RIOK2: variants seen among roughly 807,000 people sequenced by gnomAD.
RIOK2 encodes serine/threonine-protein kinase RIO2.
In RIOK2, 46 loss-of-function variants were observed where a neutral mutation model predicts 62.4. The ratio of observed to expected loss-of-function variants is 0.74; its 90% CI spans 0.58 to 0.94. RIOK2 has a LOEUF of 0.94. Ranked by LOEUF, RIOK2 falls within the 40% of genes least tolerant of loss-of-function variation. The pLI is 0.00. For synonymous variants in RIOK2, 197 were observed against 216.0 expected, an observed-to-expected ratio of 0.91 and a Z score of 0.77; for missense variants, 574 against 658.0, an observed-to-expected ratio of 0.87 and a Z score of 1.40.
rs1748808935 is a variant in RIOK2 at position 97,165,075 on chromosome 5, A to T, written c.1470T>A (p.Ala490=). The change falls in exon 9 of 10, where the codon GCT becomes GCA. Residue 490 remains alanine, a synonymous_variant. Coordinates refer to ENST00000283109, the MANE Select transcript of RIOK2 (RefSeq NM_018343.3). ...CTGGAGGAATTGTTGAACAGCTTAC[A>T]GCACTGCCTGAAGAAGTGATACTCA... ...RTLSITSSGS[A]VSCSTIPPEL... 2.5e-6 allele frequency: 4 copies of T among 1,594,088 alleles called. No individual in the cohort carries two copies. The highest frequency in any genetic ancestry group is 3.4e-6 in the Non-Finnish European group (4 of 1,170,434).
chr5:97,167,995 GA>G lies in RIOK2; in HGVS notation c.873-5del, dbSNP rs772074903. 16 of 1,561,116 alleles carry G rather than the reference GA, an allele frequency of 1.0e-5. No homozygotes were observed. The highest frequency in any genetic ancestry group is 3.5e-5 in the South Asian group (3 of 84,714). ...CACATCAAGAGTGTCTTCTCTCCTA[GA>G]AAAAAAAGGCGTCAAGCATAGAAAG... On this transcript the variant is annotated splice_polypyrimidine_tract_variant and splice_region_variant and intron_variant, in intron 7 of 9. Coordinates refer to ENST00000283109, the MANE Select transcript of RIOK2 (RefSeq NM_018343.3).
In RIOK2 at chr5:97,163,040, A is replaced by C. The variant is rs1748744360; in HGVS notation, c.*21T>G. 4.4e-6 allele frequency: 7 copies of C among 1,579,678 alleles called. No homozygotes were observed. The East Asian group carries it at 1.6e-4, about 36-fold the overall frequency. ...AGTAACTTTAAAAAATATATTAAAC[A>C]TATCCAAGATCCTAAATATATTATT... On this transcript the variant is annotated 3_prime_UTR_variant, in exon 10 of 10. Transcript: ENST00000283109.
At chr5:97,175,136 G>A (rs1046066871) in intron 4 of RIOK2, among the ~76,000 whole-genome samples, 6 of 152,020 alleles carry the variant, frequency 3.9e-5, no homozygotes, top group Admixed American at 6.5e-5. Flanking sequence ...GACACAGATC[G>A]TACTGGTTAT....
chr5:97,170,422 A>G (rs974695024), intron 6 of RIOK2, among the ~76,000 whole-genome samples: 1 of 152,224 alleles, frequency 6.6e-6, no homozygotes, highest in Non-Finnish European at 1.5e-5. Flanking sequence ...CACTGGTTTG[A>G]CAACTGAGTC....
At position 97,161,301 on chromosome 5, in the gene RIOK2, T is replaced by G. The variant is rs993482578; in HGVS notation, c.*1760A>C. 3.3e-5 allele frequency: 5 copies of G among 152,210 alleles called. No homozygotes were observed. Among genetic ancestry groups the G allele is most frequent in the Admixed American group, 3.3e-4 (5 of 15,280 alleles). 9.4% of individuals were successfully genotyped at this position (152,210 alleles called of 1,614,324 possible). On this transcript the variant is annotated 3_prime_UTR_variant, in exon 10 of 10. Transcript: ENST00000283109. ...AATATACAGCTTTACATTAGTAAAA[T>G]TTTGAATTTGTTTTTGTTCATTGTT...
rs1200189819 is a variant in RIOK2, at chr5:97,171,387, G to T, written c.598C>A (p.His200Asn). 1 of 1,526,610 alleles carries T rather than the reference G, an allele frequency of 6.6e-7. No homozygotes were observed. Among genetic ancestry groups the T allele is most frequent in the South Asian group, 1.3e-5 (1 of 77,314 alleles). The allele number at this position is 1,526,610 out of a possible 1,614,324, so 94.6% of individuals were successfully genotyped here. A position where few individuals can be genotyped will look rare whatever the true frequency, so the allele number is the denominator to read the frequency against. The change falls in exon 6 of 10, where the codon CAC becomes AAC. Residue 200 changes from histidine to asparagine, a missense_variant. Coordinates refer to ENST00000283109, the MANE Select transcript of RIOK2 (RefSeq NM_018343.3). ...ACTGATGCAGGATCTTCAACATGGTGTATCTGACATCTGAAAGTATTTTAA... is the reference window on the plus strand; with the variant it reads ...ACTGATGCAGGATCTTCAACATGGTTTATCTGACATCTGAAAGTATTTTAA... The part of the protein sequence containing the change: ...LINGYPLCQI[H>N]HVEDPASVYD...
At position 97,171,295 on chromosome 5, in the gene RIOK2, A is replaced by T; in HGVS notation, c.690T>A (p.Asn230Lys). The T allele has an allele frequency of 6.2e-7, 1 of 1,609,590 alleles. No homozygotes were observed. The highest frequency in any genetic ancestry group is 8.5e-7 in the Non-Finnish European group (1 of 1,178,008). Residue 230 changes from asparagine to lysine, a missense_variant, in exon 6 of 10, where the codon AAT becomes AAA. Transcript: ENST00000283109. The part of the protein sequence containing the change: ...ANHGLIHGDF[N>K]EFNLILDESD... The stretch of plus-strand genomic sequence containing the variant: ...TTTCATCCAAAATGAGATTAAATTC[A>T]TTAAAATCTCCATGAATCAGCCCAT...
intron 5 of RIOK2, 60 bp from the exon 6 acceptor site, chr5:97,171,457 G>C: frequency 3.3e-6 from 4 of 1,207,400 alleles, no homozygotes; most frequent in Non-Finnish European, 4.5e-6. Context: ...TTTAACGAAA[G>C]TATGTATGCA....
At chr5:97,172,387 T>G (rs76333700) in intron 5 of RIOK2, among the ~76,000 whole-genome samples, 2,125 of 152,290 alleles carry the variant, frequency 0.014, 60 homozygotes, top group African/African-American at 0.049. Flanking sequence ...GGAAAAACCT[T>G]GGTGTCACCA....
chr5:97,177,251 T>C lies in RIOK2; in HGVS notation c.363A>G (p.Ala121=), dbSNP rs141170867. The C allele has an allele frequency of 1.5e-4, 250 of 1,612,950 alleles. No individual in the cohort carries two copies. Among genetic ancestry groups the C allele is most frequent in the Non-Finnish European group, 2.1e-4 (245 of 1,179,740 alleles). The change falls in exon 4 of 10, where the codon GCA becomes GCG. Residue 121 remains alanine (A), a synonymous_variant. Coordinates refer to ENST00000283109, the MANE Select transcript of RIOK2 (RefSeq NM_018343.3). ...TTCTTCCTAGTCTGTGAAGCTTTAA[T>C]GCAAATTGTTGTCCTTCTTCATTTG... ...IVANEEGQQF[A]LKLHRLGRTS...
Position 97,162,862 on chromosome 5 carries a change from ATTAC to A in RIOK2, c.*195_*198del. On this transcript the variant is annotated 3_prime_UTR_variant, in exon 10 of 10. Coordinates refer to ENST00000283109, the MANE Select transcript of RIOK2 (RefSeq NM_018343.3). ...AAGTTACGTAACTGTAGTTACCCAA[ATTAC>A]TTTGAAAAAAATGGACTGCTTTGGC... 1 of 504,500 alleles carries A rather than the reference ATTAC, an allele frequency of 2.0e-6. No individual in the cohort carries two copies. Among genetic ancestry groups the A allele is most frequent in the Non-Finnish European group, 3.5e-6 (1 of 289,800 alleles). 31.3% of individuals were successfully genotyped at this position (504,500 alleles called of 1,614,324 possible).
chr5:97,162,452 A>C lies in RIOK2; in HGVS notation c.*609T>G, dbSNP rs1748729606. ...TACTCAGGCCTGCTTACAAGCTGCC[A>C]ACTGTAAAAATTGTGGTAGACTATC... On this transcript the variant is annotated 3_prime_UTR_variant, in exon 10 of 10. Transcript: ENST00000283109. 6.6e-6 allele frequency: 1 copy of C among 152,496 alleles called. No individual in the cohort carries two copies. Among genetic ancestry groups the C allele is most frequent in the African/African-American group, 2.4e-5 (1 of 41,470 alleles). 9.4% of individuals were successfully genotyped at this position (152,496 alleles called of 1,614,324 possible). A position where few individuals can be genotyped will look rare whatever the true frequency, so the allele number is the denominator to read the frequency against.
intron 4 of RIOK2, among the ~76,000 whole-genome samples, chr5:97,175,695 CCACT>C (rs1408173550): frequency 6.6e-6 from 1 of 152,064 alleles, no homozygotes; most frequent in Admixed American, 6.6e-5. Flanking sequence ...AGTATATAAC[CCACT>C]CAAAGAACAA....
chr5:97,175,997 C>G (rs1421228009), intron 4 of RIOK2: 1 of 151,982 alleles, frequency 6.6e-6, no homozygotes, highest in African/African-American at 2.4e-5. Flanking sequence ...AATATGCAGT[C>G]AAGTTCCAAT....
intron 7 of RIOK2, 85 bp downstream of exon 7, chr5:97,168,675 T>A: frequency 1.1e-6 from 1 of 878,102 alleles, no homozygotes; most frequent in Non-Finnish European, 1.7e-6. Context: ...TTGGAAAGTT[T>A]TTTAGATGAA....
intron 6 of RIOK2, among the ~76,000 whole-genome samples, chr5:97,170,092 A>G (rs1748956946): frequency 1.3e-5 from 2 of 152,198 alleles, no homozygotes; most frequent in Non-Finnish European, 2.9e-5. Flanking sequence ...TCACTTAACA[A>G]AACTACTTCA....
chr5:97,164,751 A>G (rs1748800359), intron 9 of RIOK2, among the ~76,000 whole-genome samples: 1 of 152,166 alleles, frequency 6.6e-6, no homozygotes, highest in Admixed American at 6.5e-5. Flanking sequence ...ATTACTTGAA[A>G]TTTAGTCAAC....
chr5:97,171,478 T>C lies in RIOK2; in HGVS notation c.588-81A>G, dbSNP rs112703502. Reference sequence around the variant, plus strand: ...GAAAGTATGTATGCATGTGAACATATATATTATTTCCATGCTGTGTATCCC... The same window carrying C: ...GAAAGTATGTATGCATGTGAACATACATATTATTTCCATGCTGTGTATCCC... On this transcript the variant is annotated intron_variant, in intron 5 of 9. Transcript: ENST00000283109. 1,499 of 925,458 alleles carry C rather than the reference T, an allele frequency of 1.6e-3. 15 individuals are homozygous for C. In the African/African-American group the frequency reaches 0.023, roughly 14 times the overall value. 57.3% of individuals were successfully genotyped at this position (925,458 alleles called of 1,614,324 possible).
chr5:97,171,154 C>G (rs553198159), intron 6 of RIOK2, 52 bp downstream of exon 6: 2 of 1,246,360 alleles, frequency 1.6e-6, no homozygotes, highest in East Asian at 2.9e-5. Flanking sequence ...AGCAAAACTC[C>G]GTCTCCAAAA....
Sources: allele counts gnomAD v4.1 joint callset (sites outside exome capture counted in the v4.1 genomes callset), GRCh38; gene constraint gnomAD v4.1.1; transcripts MANE v1.5; gene names NCBI Gene and HGNC (gene_info 2026-07-23, HGNC 2026-07-21).